The following TTC1 variants were observed in gnomAD, a reference collection of about 807,000 sequenced individuals.
The protein encoded by TTC1 is tetratricopeptide repeat domain 1, also known as tetratricopeptide repeat protein 1.
Under a neutral mutation model 37.6 loss-of-function variants are expected in TTC1, and 31 were observed. The ratio of observed to expected loss-of-function variants is 0.82; its 90% CI spans 0.62 to 1.11. TTC1 has a LOEUF of 1.11. Ranked by LOEUF, TTC1 falls within the 50% of genes most tolerant of loss-of-function variation. The pLI is 0.00. For synonymous variants in TTC1, 127 were observed against 122.4 expected, an observed-to-expected ratio of 1.04 and a Z score of -0.25; for missense variants, 351 against 339.0, an observed-to-expected ratio of 1.04 and a Z score of -0.28.
chr5:160,010,687 C>G lies in TTC1; in HGVS notation c.159C>G (p.Leu53=). 6.2e-7 allele frequency: 1 copy of G among 1,613,624 alleles called. No individual in the cohort carries two copies. ...TGCTCAGGGATGATGAGGCCCATCT[C>G]CAGGAGGACCAGGGAGAAGAGGAGT... ...SKLLRDDEAH[L]QEDQGEEECF... The change falls in exon 2 of 8, where the codon CTC becomes CTG. Residue 53 remains leucine (L), a synonymous_variant. Coordinates refer to ENST00000231238, the MANE Select transcript of TTC1 (RefSeq NM_003314.3).
intron 1 of TTC1, among the ~76,000 whole-genome samples, chr5:160,009,403 C>A (rs1756453031): frequency 6.6e-6 from 1 of 152,064 alleles, no homozygotes; most frequent in Non-Finnish European, 1.5e-5. Context: ...GTTTTCTTGG[C>A]ACATACTAGG....
intron 2 of TTC1, among the ~76,000 whole-genome samples, chr5:160,031,506 C>T (rs750210099): frequency 4.0e-5 from 6 of 151,720 alleles, no homozygotes; most frequent in African/African-American, 7.3e-5. Context: ...CACAGCTACT[C>T]GGGAGGCTGA....
chr5:160,049,707 G>A, intron 6 of TTC1, 45 bp downstream of exon 6: 3 of 1,427,916 alleles, frequency 2.1e-6, no homozygotes, highest in East Asian at 5.1e-5. Context: ...TATTCTTTGT[G>A]TTGCTACCCA....
chr5:160,035,497 G>C (rs1756985871), intron 3 of TTC1, among the ~76,000 whole-genome samples: 1 of 152,220 alleles, frequency 6.6e-6, no homozygotes, highest in South Asian at 2.1e-4. Context: ...CACTAACCTG[G>C]AATATTAAAG....
At chr5:160,045,530 TC>T (rs1757214187) in intron 5 of TTC1, among the ~76,000 whole-genome samples, 1 of 133,940 alleles carries the variant, frequency 7.5e-6, no homozygotes. Flanking sequence ...ACTCTCTCTC[TC>T]TCTCTCTCTC....
intron 4 of TTC1, among the ~76,000 whole-genome samples, chr5:160,041,138 C>T (rs549867022): frequency 6.6e-6 from 1 of 152,088 alleles, no homozygotes; most frequent in African/African-American, 2.4e-5. Flanking sequence ...TAAAAATGCC[C>T]TGTTCTGGAA....
At chr5:160,050,229 C>T (rs1159453215) in intron 6 of TTC1, among the ~76,000 whole-genome samples, 1 of 152,160 alleles carries the variant, frequency 6.6e-6, no homozygotes, top group African/African-American at 2.4e-5. Flanking sequence ...GGGCGGATCA[C>T]CTGAGGTCGG....
intron 3 of TTC1, among the ~76,000 whole-genome samples, chr5:160,036,148 C>A (rs1756995445): frequency 6.6e-6 from 1 of 152,114 alleles, no homozygotes; most frequent in Non-Finnish European, 1.5e-5. Context: ...CTTTTAAGGT[C>A]TTGATTTAAA....
chr5:160,015,723 A>G (rs1350518595), intron 2 of TTC1, among the ~76,000 whole-genome samples: 1 of 152,202 alleles, frequency 6.6e-6, no homozygotes, highest in Non-Finnish European at 1.5e-5. Context: ...GAGTTCTGTG[A>G]GCCATTCTAG....
intron 2 of TTC1, among the ~76,000 whole-genome samples, chr5:160,029,584 G>T (rs1468513002): frequency 1.3e-5 from 2 of 151,984 alleles, no homozygotes; most frequent in African/African-American, 4.8e-5. Context: ...GGAGGTTGAG[G>T]CTGCAGTGAG....
chr5:160,024,896 C>T (rs772404415), intron 2 of TTC1, among the ~76,000 whole-genome samples: 5 of 152,026 alleles, frequency 3.3e-5, no homozygotes, highest in Admixed American at 1.3e-4. Context: ...TGCAGTGGCA[C>T]GATTCCATAA....
intron 2 of TTC1, among the ~76,000 whole-genome samples, chr5:160,020,822 TG>T (rs1462847988): frequency 6.6e-6 from 1 of 152,200 alleles, no homozygotes; most frequent in Non-Finnish European, 1.5e-5. Flanking sequence ...TATGGTGAAT[TG>T]TATAACTATT....
chr5:160,061,458 T>G (rs1323442182), intron 7 of TTC1, among the ~76,000 whole-genome samples: 2 of 152,258 alleles, frequency 1.3e-5, no homozygotes, highest in East Asian at 3.8e-4. Flanking sequence ...GACCATGTCA[T>G]GTATCTTTGC....
At chr5:160,035,477 C>G (rs992628750) in intron 3 of TTC1, among the ~76,000 whole-genome samples, 1 of 152,228 alleles carries the variant, frequency 6.6e-6, no homozygotes, top group African/African-American at 2.4e-5. Context: ...TGAGCTCTTG[C>G]TTTGGAAAAC....
chr5:160,016,659 T>C lies in TTC1; in HGVS notation c.330+5801T>C, dbSNP rs116669332. Among the ~76,000 whole-genome samples, 710 of 152,294 alleles carry C rather than the reference T, an allele frequency of 4.7e-3. 9 individuals are homozygous for C. Among genetic ancestry groups the C allele is most frequent in the African/African-American group, 0.016 (673 of 41,570 alleles). On this transcript the variant is annotated intron_variant, in intron 2 of 7. Coordinates refer to ENST00000231238, the MANE Select transcript of TTC1 (RefSeq NM_003314.3). Reference sequence around the variant, plus strand: ...TGCTTTTTTTTTCAGTAAGCCTGTATTACATTATTCCATTTTAAGAATATA... The same window carrying C: ...TGCTTTTTTTTTCAGTAAGCCTGTACTACATTATTCCATTTTAAGAATATA...
intron 5 of TTC1, among the ~76,000 whole-genome samples, 183 bp downstream of exon 5, chr5:160,043,352 A>C (rs1413579291): frequency 1.3e-5 from 2 of 152,222 alleles, no homozygotes; most frequent in Non-Finnish European, 2.9e-5. Context: ...GGATAGTTCA[A>C]TCAGTTTCTC....
rs1236584361 is a variant in TTC1 at position 160,064,932 on chromosome 5, G to T, written c.746G>T (p.Gly249Val). Residue 249 changes from glycine (G) to valine (V), a missense_variant and splice_region_variant, in exon 8 of 8, where the codon GGT (glycine) becomes GTT (valine). Gly to Val is a moderately radical substitution (Grantham distance 109). Coordinates refer to ENST00000231238, the MANE Select transcript of TTC1 (RefSeq NM_003314.3). ...TTGAGTTTTTGCTTTTACATTACAG[G>T]TAAATTAAAAGATCTTGGGAACTTG... ...RNERLKEEML[G>V]KLKDLGNLVL... The T allele has an allele frequency of 1.2e-6, 2 of 1,606,002 alleles. No individual in the cohort carries two copies. The highest frequency in any genetic ancestry group is 1.3e-5 in the African/African-American group (1 of 74,202).
intron 2 of TTC1, among the ~76,000 whole-genome samples, chr5:160,025,392 G>T (rs1409828006): frequency 6.6e-6 from 1 of 151,780 alleles, no homozygotes; most frequent in Non-Finnish European, 1.5e-5. Context: ...AAACTCTTGA[G>T]CTCAAGCAAT....
rs1449083996 is a variant in TTC1, at chr5:160,024,048, A to G, written c.331-11092A>G. ...CACTTCTTGCAGGTAGTGTTCAATCAATATACTCTGGTTAGCATGTAAGTG... is the reference window on the plus strand; with the variant it reads ...CACTTCTTGCAGGTAGTGTTCAATCGATATACTCTGGTTAGCATGTAAGTG... On this transcript the variant is annotated intron_variant, in intron 2 of 7. Transcript: ENST00000231238. 4.1e-6 allele frequency: 5 copies of G among 1,223,662 alleles called. No homozygotes were observed. In the African/African-American group the frequency reaches 6.0e-5, roughly 15 times the overall value. 75.8% of individuals were successfully genotyped at this position (1,223,662 alleles called of 1,614,324 possible). A position where few individuals can be genotyped will look rare whatever the true frequency, so the allele number is the denominator to read the frequency against.
Sources: gnomAD v4.1 joint callset for allele counts (sites outside exome capture counted in the v4.1 genomes callset) on GRCh38, gnomAD v4.1.1 for gene constraint, MANE v1.5 for transcripts, NCBI Gene and HGNC (gene_info 2026-07-23, HGNC 2026-07-21) for gene names.